Variants in HOMEZ observed in about 807,000 individuals in gnomAD.
HOMEZ encodes the protein homeobox and leucine zipper encoding.
In HOMEZ, 20 loss-of-function variants were observed where a neutral mutation model predicts 50.1. The ratio of observed to expected loss-of-function variants is 0.40; its 90% CI spans 0.28 to 0.58. The LOEUF is 0.58. Ranked by LOEUF, HOMEZ falls within the 20% of genes least tolerant of loss-of-function variation. The pLI is 0.46. For missense variants in HOMEZ, 579 were observed against 680.5 expected, an observed-to-expected ratio of 0.85 and a Z score of 1.66; for synonymous variants, 239 against 254.7, an observed-to-expected ratio of 0.94 and a Z score of 0.59.
At chr14:23,279,124 C>T (rs1261748432) in intron 1 of HOMEZ, among the ~76,000 whole-genome samples, 1 of 152,200 alleles carries the variant, frequency 6.6e-6, no homozygotes, top group Non-Finnish European at 1.5e-5. Flanking sequence ...GCTGGAATTA[C>T]AAGCGTGCAC....
intron 1 of HOMEZ, among the ~76,000 whole-genome samples, chr14:23,277,409 C>T (rs1886390891): frequency 6.6e-6 from 1 of 152,170 alleles, no homozygotes; most frequent in South Asian, 2.1e-4. Context: ...AGTCCATAGA[C>T]GTTAAATTAC....
intron 1 of HOMEZ, among the ~76,000 whole-genome samples, chr14:23,280,740 A>AT (rs35341745): frequency 1.7e-4 from 7 of 41,266 alleles, no homozygotes; most frequent in Admixed American, 3.6e-4. Flanking sequence ...ATTTTATTTT[A>AT]TTATTTTATT....
chr14:23,281,171 T>C (rs1255685685), intron 1 of HOMEZ, among the ~76,000 whole-genome samples: 2 of 152,194 alleles, frequency 1.3e-5, no homozygotes, highest in South Asian at 4.1e-4. Context: ...CTCAAGTCCA[T>C]ACATTTAGAG....
Position 23,272,525 on chromosome 14 carries a change from C to CTGGTAGTCATCTCTGGGTG in HOMEZ, c.*3031_*3049dup. On this transcript the variant is annotated 3_prime_UTR_variant, in exon 2 of 2. Coordinates refer to ENST00000357460, the MANE Select transcript of HOMEZ (RefSeq NM_020834.3). The stretch of plus-strand genomic sequence containing the variant: ...TCAGAGGCCTAAGAACTCTGCCTCC[C>CTGGTAGTCATCTCTGGGTG]TGGTAGTCATCTCTGGGTGTGGTAG... 2.6e-6 allele frequency: 1 copy of CTGGTAGTCATCTCTGGGTG among 384,450 alleles called. No homozygotes were observed. Among genetic ancestry groups the CTGGTAGTCATCTCTGGGTG allele is most frequent in the Non-Finnish European group, 4.8e-6 (1 of 209,692 alleles). The allele number at this position is 384,450 out of a possible 1,614,324, so 23.8% of individuals were successfully genotyped here.
rs1186974361 is a variant in HOMEZ, at chr14:23,273,089, T to C, written c.*2486A>G. 7 of 411,468 alleles carry C rather than the reference T, an allele frequency of 1.7e-5. No individual in the cohort carries two copies. Among genetic ancestry groups the C allele is most frequent in the Non-Finnish European group, 3.0e-5 (7 of 231,352 alleles). 25.5% of individuals were successfully genotyped at this position (411,468 alleles called of 1,614,324 possible). ...GTGGTCAGGTCTTACAAAAGGCTAG[T>C]GCTTCAGGAAGATGTTTATATCTCT... is the stretch of plus-strand genomic sequence containing the variant. On this transcript the variant is annotated 3_prime_UTR_variant, in exon 2 of 2. Transcript: ENST00000357460.
chr14:23,279,298 AG>A (rs1282585290), intron 1 of HOMEZ, among the ~76,000 whole-genome samples: 1 of 152,102 alleles, frequency 6.6e-6, no homozygotes, highest in Non-Finnish European at 1.5e-5. Flanking sequence ...GCGCCCTCAT[AG>A]ATGGAGCAGT....
In HOMEZ at chr14:23,286,003, G is replaced by C; in HGVS notation, c.-51C>G. 21 of 1,234,822 alleles carry C rather than the reference G, an allele frequency of 1.7e-5. No individual in the cohort carries two copies. The highest frequency in any genetic ancestry group is 2.0e-5 in the Non-Finnish European group (20 of 986,162). The allele number at this position is 1,234,822 out of a possible 1,614,324, so 76.5% of individuals were successfully genotyped here. A position where few individuals can be genotyped will look rare whatever the true frequency, so the allele number is the denominator to read the frequency against. ...GCAGGGGGCCTCCGAGTGGGAGTGG[G>C]GTTGCTGCCCGGTGCGGCCGCTCCG... On this transcript the variant is annotated 5_prime_UTR_variant, in exon 1 of 2. Transcript: ENST00000357460.
chr14:23,272,950 C>A lies in HOMEZ; in HGVS notation c.*2625G>T. ...GAAGGATGGACTGTAGCTTCCAGTA[C>A]GCATTAGGGGTGATGGCCCTGGAAA... On this transcript the variant is annotated 3_prime_UTR_variant, in exon 2 of 2. Coordinates refer to ENST00000357460, the MANE Select transcript of HOMEZ (RefSeq NM_020834.3). 1 of 1,006,402 alleles carries A rather than the reference C, an allele frequency of 9.9e-7. No individual in the cohort carries two copies. The highest frequency in any genetic ancestry group is 1.5e-6 in the Non-Finnish European group (1 of 682,804). The allele number at this position is 1,006,402 out of a possible 1,614,324, so 62.3% of individuals were successfully genotyped here.
At position 23,276,644 on chromosome 14, in the gene HOMEZ, G is replaced by A. The variant is rs1355632175; in HGVS notation, c.584C>T (p.Pro195Leu). ...PEEPSQMPPL[P>L]QSHQKLKESL... ...CTCCTTTAATTTCTGGTGACTCTGT[G>A]GCAGTGGTGGCATCTGAGAGGGCTC... is the stretch of plus-strand genomic sequence containing the variant. Residue 195 changes from proline (P) to leucine (L), a missense_variant, in exon 2 of 2, where the codon CCA (proline) becomes CTA (leucine). Coordinates refer to ENST00000357460, the MANE Select transcript of HOMEZ (RefSeq NM_020834.3). This position sits in a 1 kb window ranked among gnomAD's most constrained non-coding sequence, Gnocchi z 4.1. The A allele has an allele frequency of 6.2e-7, 1 of 1,613,860 alleles. No homozygotes were observed. Among genetic ancestry groups the A allele is most frequent in the African/African-American group, 1.3e-5 (1 of 74,914 alleles).
At chr14:23,280,709 A>ATTTTATTTTATTTTATTT (rs1594964856) in intron 1 of HOMEZ, among the ~76,000 whole-genome samples, 1 of 49,800 alleles carries the variant, frequency 2.0e-5, no homozygotes, top group African/African-American at 5.6e-5. Context: ...TTATATTTTT[A>ATTTTATTTTATTTTATTT]TTTTTATTTT....
chr14:23,276,886 C>T lies in HOMEZ; in HGVS notation c.342G>A (p.Trp114Ter). The T allele has an allele frequency of 6.2e-7, 1 of 1,614,032 alleles. No individual in the cohort carries two copies. Among genetic ancestry groups the T allele is most frequent in the Non-Finnish European group, 8.5e-7 (1 of 1,179,898 alleles). Residue 114 changes from tryptophan (W) to a stop codon, truncating the protein, a stop_gained, in exon 2 of 2, where the codon TGG (tryptophan) becomes TGA (stop). Transcript: ENST00000357460. LOFTEE classifies it high-confidence loss of function. The surrounding 1 kb of genome is among the most constrained non-coding windows in gnomAD (Gnocchi z 4.1). ...MAQRLRCGISWSSEEIEETRA... is the reference protein window; with the variant it reads ...MAQRLRCGIS ...GAGTCTCTTCTATTTCTTCAGATGA[C>T]CAGCTAATACCACAGCGGAGGCGCT...
chr14:23,275,723 C>A lies in HOMEZ; in HGVS notation c.1505G>T (p.Arg502Leu), dbSNP rs1055061. ...TACCACCTCAGCTGGCTGAGGTAAT[C>A]GAGAGTCAAACCAATCCAGCACCTG... is the stretch of plus-strand genomic sequence containing the variant. The part of the protein sequence containing the change: ...TQQVLDWFDS[R>L]LPQPAEVVVC... Residue 502 changes from arginine to leucine, a missense_variant, in exon 2 of 2, where the codon CGA (arginine) becomes CTA (leucine). Arg to Leu is a moderately radical substitution (Grantham distance 102, BLOSUM62 -2). Transcript: ENST00000357460. 1.2e-6 allele frequency: 2 copies of A among 1,610,840 alleles called. No homozygotes were observed. Among genetic ancestry groups the A allele is most frequent in the Non-Finnish European group, 1.7e-6 (2 of 1,178,526 alleles).
In HOMEZ at chr14:23,274,661, A is replaced by G. The variant is rs1886294558; in HGVS notation, c.*914T>C. ...GGTGGCTCATGCCTATAATCCCAGC[A>G]CTTTGGGAGGCCAAGGTGGGCGGAT... On this transcript the variant is annotated 3_prime_UTR_variant, in exon 2 of 2. Transcript: ENST00000357460. The G allele has an allele frequency of 1.3e-5, 2 of 152,492 alleles. 1 individual carries two copies. Among genetic ancestry groups the G allele is most frequent in the South Asian group, 4.1e-4 (2 of 4,832 alleles). 9.4% of individuals were successfully genotyped at this position (152,492 alleles called of 1,614,324 possible). A position where few individuals can be genotyped will look rare whatever the true frequency, so the allele number is the denominator to read the frequency against.
rs1447148858 is a variant in HOMEZ, at chr14:23,275,494, A to T, written c.*81T>A. ...TAGTTCTCTGCCACAAGGTAATTTT[A>T]AAAATGTGGTTTCTTTGTTTAAACA... On this transcript the variant is annotated 3_prime_UTR_variant, in exon 2 of 2. Transcript: ENST00000357460. 2.7e-6 allele frequency: 4 copies of T among 1,459,582 alleles called. No individual in the cohort carries two copies. Among genetic ancestry groups the T allele is most frequent in the South Asian group, 2.9e-5 (2 of 68,172 alleles). 90.4% of individuals were successfully genotyped at this position (1,459,582 alleles called of 1,614,324 possible).
rs570926330 is a variant in HOMEZ, at chr14:23,275,890, G to A, written c.1338C>T (p.Asn446=). ...GCAGAGGTGGTGTCTCAGCCCTTTC[G>A]TTCAAGGAGCGGGTTGATGGTGGTG... ...PTPPPSTRSL[N]ERAETPPLPI... is the part of the protein sequence containing the mutation. Residue 446 remains asparagine (N), a synonymous_variant, in exon 2 of 2, where the codon AAC becomes AAT. Transcript: ENST00000357460. 22 of 1,601,562 alleles carry A rather than the reference G, an allele frequency of 1.4e-5. No individual in the cohort carries two copies. Among genetic ancestry groups the A allele is most frequent in the East Asian group, 4.5e-5 (2 of 44,796 alleles).
intron 1 of HOMEZ, 37 bp downstream of exon 1, chr14:23,285,876 C>T: frequency 8.4e-7 from 1 of 1,191,650 alleles, no homozygotes; most frequent in South Asian, 4.3e-5. Context: ...CGTACACGAG[C>T]TGGGAGGGGA....
At position 23,274,314 on chromosome 14, in the gene HOMEZ, A is replaced by G. The variant is rs1303373147; in HGVS notation, c.*1261T>C. The stretch of plus-strand genomic sequence containing the variant: ...AAAGATGAAAAATTAGTCTCTGTCA[A>G]GCTGGACAGGAGGTAGTTAACAGGT... On this transcript the variant is annotated 3_prime_UTR_variant, in exon 2 of 2. Transcript: ENST00000357460. The G allele has an allele frequency of 6.6e-6, 1 of 152,620 alleles. No individual in the cohort carries two copies. The highest frequency in any genetic ancestry group is 1.5e-5 in the Non-Finnish European group (1 of 68,038). The allele number at this position is 152,620 out of a possible 1,614,324, so 9.5% of individuals were successfully genotyped here. A position where few individuals can be genotyped will look rare whatever the true frequency, so the allele number is the denominator to read the frequency against.
Position 23,272,614 on chromosome 14 carries a change from A to G in HOMEZ, c.*2961T>C, listed in dbSNP as rs1338872861. 2 of 586,810 alleles carry G rather than the reference A, an allele frequency of 3.4e-6. No homozygotes were observed. Among genetic ancestry groups the G allele is most frequent in the Non-Finnish European group, 6.0e-6 (2 of 331,124 alleles). 36.4% of individuals were successfully genotyped at this position (586,810 alleles called of 1,614,324 possible). ...AATATTCATCCTTATTATTATCACC[A>G]TAAGCTACTGAAATGTTCCAGAGAT... On this transcript the variant is annotated 3_prime_UTR_variant, in exon 2 of 2. Transcript: ENST00000357460.
At position 23,275,897 on chromosome 14, in the gene HOMEZ, G is replaced by A. The variant is rs746981907; in HGVS notation, c.1331C>T (p.Ser444Phe). The part of the protein sequence containing the change: ...AIPTPPPSTR[S>F]LNERAETPPL... The stretch of plus-strand genomic sequence containing the variant: ...TGGTGTCTCAGCCCTTTCGTTCAAG[G>A]AGCGGGTTGATGGTGGTGGTGTAGG... The change falls in exon 2 of 2, where the codon TCC becomes TTC. Residue 444 changes from serine (S) to phenylalanine (F), a missense_variant. Coordinates refer to ENST00000357460, the MANE Select transcript of HOMEZ (RefSeq NM_020834.3). 1.9e-6 allele frequency: 3 copies of A among 1,602,958 alleles called. No homozygotes were observed. The South Asian group carries it at 3.4e-5, about 18-fold the overall frequency.
Sources: gnomAD v4.1 joint callset for allele counts (sites outside exome capture counted in the v4.1 genomes callset) on GRCh38, gnomAD v4.1.1 for gene constraint, Gnocchi (gnomAD v3.1) non-coding constraint, MANE v1.5 for transcripts, NCBI Gene and HGNC (gene_info 2026-07-23, HGNC 2026-07-21) for gene names.